CPA6: variants seen among roughly 807,000 people sequenced by gnomAD.
The protein encoded by CPA6 is carboxypeptidase B.
In CPA6, 58 loss-of-function variants were observed where a neutral mutation model predicts 63.3. That is an observed-to-expected ratio of 0.92 (90% CI 0.74 to 1.14). The LOEUF is 1.14. Ranked by LOEUF, CPA6 falls within the 50% of genes most tolerant of loss-of-function variation. The probability of loss-of-function intolerance (pLI) is 0.00; values close to 1 mark genes in which losing one functional copy is unlikely to be tolerated. For missense variants in CPA6, 565 were observed against 526.6 expected (o/e 1.07, Z -0.71); for synonymous variants, 185 against 179.0 (o/e 1.03, Z -0.27).
At chr8:67,733,904 G>A (rs902610203) in intron 1 of CPA6, among the ~76,000 whole-genome samples, 38 of 144,206 alleles carry the variant, frequency 2.6e-4, no homozygotes, top group African/African-American at 7.9e-4. Flanking sequence ...GTGCAGTGGC[G>A]CCCTCTGTCA....
At chr8:67,514,385 A>G (rs1325339365) in intron 3 of CPA6, among the ~76,000 whole-genome samples, 1 of 152,230 alleles carries the variant, frequency 6.6e-6, no homozygotes, top group Admixed American at 6.5e-5. Context: ...ACATGAGGTC[A>G]CATTATCTCC....
chr8:67,475,885 T>TCTTTCTC (rs1811209433), intron 8 of CPA6, among the ~76,000 whole-genome samples: 1 of 40,916 alleles, frequency 2.4e-5, no homozygotes, highest in East Asian at 5.5e-4. Context: ...CTTTCTCCTT[T>TCTTTCTC]CTTTCTTTCT....
At chr8:67,482,304 G>A (rs935382620) in intron 8 of CPA6, among the ~76,000 whole-genome samples, 17 of 152,200 alleles carry the variant, frequency 1.1e-4, no homozygotes, top group African/African-American at 3.6e-4. Flanking sequence ...ACTAACAAGC[G>A]AAACATCCCT....
intron 1 of CPA6, among the ~76,000 whole-genome samples, chr8:67,693,076 C>T (rs111665019): frequency 9.9e-4 from 151 of 152,310 alleles, no homozygotes; most frequent in African/African-American, 3.5e-3. Context: ...AGGCTGATGA[C>T]TGCACAGTAT....
Position 67,535,415 on chromosome 8 carries a change from G to A in CPA6, c.193-17368C>T, listed in dbSNP as rs1414641148. Among the ~76,000 whole-genome samples, 3 of 152,130 alleles carry A rather than the reference G, an allele frequency of 2.0e-5. No homozygotes were observed. The South Asian group carries it at 6.2e-4, about 32-fold the overall frequency. On this transcript the variant is annotated intron_variant, in intron 2 of 10. Transcript: ENST00000297770. ...ATCACCATTCTAACTGGTGTGAGAT[G>A]GTATCTCATTGTGGTTTTGATTTGC...
At chr8:67,483,983 G>T in intron 7 of CPA6, 125 bp from the exon 8 acceptor site, 1 of 770,804 alleles carries the variant, frequency 1.3e-6, no homozygotes, top group Non-Finnish European at 2.2e-6. Flanking sequence ...GAATAGACAA[G>T]CCCAGGGAGT....
intron 2 of CPA6, among the ~76,000 whole-genome samples, chr8:67,571,630 A>G (rs189201310): frequency 6.6e-6 from 1 of 152,344 alleles, no homozygotes; most frequent in African/African-American, 2.4e-5. Flanking sequence ...AAATTAAAAA[A>G]TATCTTGAGA....
At chr8:67,482,756 T>G (rs1226596287) in intron 8 of CPA6, among the ~76,000 whole-genome samples, 2 of 152,236 alleles carry the variant, frequency 1.3e-5, no homozygotes, top group East Asian at 1.9e-4. Context: ...CTTTCATAGA[T>G]TGAATAAAAT....
intron 2 of CPA6, among the ~76,000 whole-genome samples, chr8:67,553,092 A>G (rs1812985727): frequency 6.6e-6 from 1 of 152,184 alleles, no homozygotes; most frequent in African/African-American, 2.4e-5. Context: ...TTAATCACCC[A>G]TATGTTATCA....
chr8:67,715,179 C>T lies in CPA6; in HGVS notation c.116+30835G>A, dbSNP rs147944202. 5.9e-5 allele frequency among the ~76,000 whole-genome samples: 9 copies of T among 152,282 alleles called. No homozygotes were observed. The East Asian group carries it at 1.7e-3, about 29-fold the overall frequency. ...TTAAATTCCAGTCTGATGCTGACTACCCAGAGTTAGCTCAGACCCTGCCAC... is the reference window on the plus strand; with the variant it reads ...TTAAATTCCAGTCTGATGCTGACTATCCAGAGTTAGCTCAGACCCTGCCAC... On this transcript the variant is annotated intron_variant, in intron 1 of 10. Transcript: ENST00000297770.
intron 1 of CPA6, among the ~76,000 whole-genome samples, chr8:67,699,983 G>T (rs1047121634): frequency 2.6e-5 from 4 of 152,148 alleles, no homozygotes; most frequent in Non-Finnish European, 5.9e-5. Flanking sequence ...CCACTTGGGG[G>T]AAACAGTTAC....
intron 1 of CPA6, among the ~76,000 whole-genome samples, chr8:67,661,310 C>T (rs575988346): frequency 9.2e-5 from 14 of 152,176 alleles, no homozygotes; most frequent in African/African-American, 3.1e-4. Context: ...GAGGAAGTGG[C>T]CATTGTGGCT....
chr8:67,450,307 C>G (rs1810527098), intron 8 of CPA6, among the ~76,000 whole-genome samples: 2 of 152,194 alleles, frequency 1.3e-5, no homozygotes, highest in African/African-American at 4.8e-5. Flanking sequence ...TAATGGCTCT[C>G]TATTGACGTT....
intron 2 of CPA6, among the ~76,000 whole-genome samples, chr8:67,534,766 G>A (rs1415423848): frequency 1.3e-5 from 2 of 151,916 alleles, no homozygotes; most frequent in African/African-American, 2.4e-5. Flanking sequence ...TGTGCAGAAC[G>A]TGCAGGTTTG....
intron 3 of CPA6, among the ~76,000 whole-genome samples, chr8:67,517,011 G>C (rs1209703034): frequency 2.0e-5 from 3 of 152,006 alleles, no homozygotes; most frequent in African/African-American, 7.3e-5. Flanking sequence ...GGAACATCCT[G>C]GTCTTGAACT....
intron 1 of CPA6, among the ~76,000 whole-genome samples, chr8:67,653,796 A>G (rs1227747581): frequency 6.6e-6 from 1 of 152,138 alleles, no homozygotes; most frequent in Non-Finnish European, 1.5e-5. Flanking sequence ...AGGAGTGGTG[A>G]GAGAGGGCAT....
At chr8:67,442,042 T>C (rs901895667) in intron 8 of CPA6, among the ~76,000 whole-genome samples, 5 of 152,088 alleles carry the variant, frequency 3.3e-5, no homozygotes, top group African/African-American at 1.2e-4. Flanking sequence ...AGTATTATAA[T>C]CACAATTTCA....
chr8:67,563,036 T>C (rs1436564534), intron 2 of CPA6, among the ~76,000 whole-genome samples: 1 of 151,934 alleles, frequency 6.6e-6, no homozygotes, highest in African/African-American at 2.4e-5. Flanking sequence ...TGGGTCTCCA[T>C]AGCAATGATC....
chr8:67,746,178 C>G lies in CPA6; in HGVS notation c.-49G>C. 1.4e-6 allele frequency: 2 copies of G among 1,449,856 alleles called. No individual in the cohort carries two copies. The highest frequency in any genetic ancestry group is 1.2e-5 in the South Asian group (1 of 80,540). 89.8% of individuals were successfully genotyped at this position (1,449,856 alleles called of 1,614,324 possible). ...AAGTTACTTAAGCAGCCACCCGAGG[C>G]TGGAGGTGGCTCACAGCACCCTCTA... On this transcript the variant is annotated 5_prime_UTR_variant, in exon 1 of 11. Transcript: ENST00000297770.
Sources: allele counts gnomAD v4.1 joint callset (sites outside exome capture counted in the v4.1 genomes callset), GRCh38; gene constraint gnomAD v4.1.1; transcripts MANE v1.5; gene names NCBI Gene and HGNC (gene_info 2026-07-23, HGNC 2026-07-21).